Variants in PCDHGA5 observed in about 807,000 individuals in gnomAD.
PCDHGA5 encodes protocadherin gamma subfamily A, 5.
In PCDHGA5, 36 loss-of-function variants were observed where a neutral mutation model predicts 56.7. The observed-to-expected ratio is 0.64, with a 90% CI of 0.49 to 0.84. PCDHGA5 has a LOEUF of 0.84. Among genes scored for constraint, PCDHGA5 ranks in the 40% least tolerant of loss-of-function variants. PCDHGA5 has a pLI of 0.00. For synonymous variants in PCDHGA5, 563 were observed against 520.2 expected (o/e 1.08, Z -1.12); for missense variants, 1,305 against 1,201.5 (o/e 1.09, Z -1.27).
At chr5:141,399,806 A>G in intron 1 of PCDHGA5, 1 of 1,613,106 alleles carries the variant, frequency 6.2e-7, no homozygotes, top group Non-Finnish European at 8.5e-7. Context: ...CGGGTGCTGT[A>G]CCCCGCGCTG....
intron 1 of PCDHGA5, chr5:141,389,929 T>A: frequency 6.2e-7 from 1 of 1,614,012 alleles, no homozygotes; most frequent in Non-Finnish European, 8.5e-7. Context: ...CCCTCTGACC[T>A]CCAGGCTGAG....
rs191844335 is a variant in PCDHGA5 at position 141,394,289 on chromosome 5, C to A, written c.2421+27538C>A. ...ATGCCCAGGTCACTTACTCTGTGAC[C>A]GAGGACACGCTGCAGGGGGCGCCCC... On this transcript the variant is annotated intron_variant, in intron 1 of 3. Coordinates refer to ENST00000518069, the MANE Select transcript of PCDHGA5 (RefSeq NM_018918.3). The A allele has an allele frequency of 3.8e-5, 61 of 1,613,954 alleles. 1 individual carries two copies. In the African/African-American group the frequency reaches 6.0e-4, roughly 16 times the overall value.
rs1375291090 is a variant in PCDHGA5, at chr5:141,392,672, T to A, written c.2421+25921T>A. 5.7e-6 allele frequency: 5 copies of A among 880,364 alleles called. No homozygotes were observed. In the Admixed American group the frequency reaches 1.3e-4, roughly 22 times the overall value. 54.5% of individuals were successfully genotyped at this position (880,364 alleles called of 1,614,324 possible). A position where few individuals can be genotyped will look rare whatever the true frequency, so the allele number is the denominator to read the frequency against. Reference sequence around the variant, plus strand: ...CCCGCAGATGCCACAAACTAACTGCTGGACTGCAGCGAAACCCGACCCCTG... The same window carrying A: ...CCCGCAGATGCCACAAACTAACTGCAGGACTGCAGCGAAACCCGACCCCTG... On this transcript the variant is annotated intron_variant, in intron 1 of 3. Transcript: ENST00000518069.
rs777111805 is a variant in PCDHGA5, at chr5:141,395,298, GT to G, written c.2421+28551del. On this transcript the variant is annotated intron_variant, in intron 1 of 3. Coordinates refer to ENST00000518069, the MANE Select transcript of PCDHGA5 (RefSeq NM_018918.3). ...ATGAATTTTATTTGGCATAAATTAT[GT>G]TTTGAAAAACATTGTGAAGATAGTT... 6 of 1,522,174 alleles carry G rather than the reference GT, an allele frequency of 3.9e-6. No homozygotes were observed. The East Asian group carries it at 9.1e-5, about 23-fold the overall frequency. The allele number at this position is 1,522,174 out of a possible 1,614,324, so 94.3% of individuals were successfully genotyped here.
At chr5:141,504,288 GT>G (rs1175142876) in intron 2 of PCDHGA5, among the ~76,000 whole-genome samples, 1 of 152,124 alleles carries the variant, frequency 6.6e-6, no homozygotes, top group Non-Finnish European at 1.5e-5. Flanking sequence ...ATCATTTCAT[GT>G]TTTTTCAACA....
At chr5:141,420,733 A>T (rs989644819) in intron 1 of PCDHGA5, among the ~76,000 whole-genome samples, 1 of 152,250 alleles carries the variant, frequency 6.6e-6, no homozygotes, top group African/African-American at 2.4e-5. Flanking sequence ...GTCGGTTAAA[A>T]TCAATTGGAA....
In PCDHGA5 at chr5:141,415,239, T is replaced by G. The variant is rs781763142; in HGVS notation, c.2421+48488T>G. The G allele has an allele frequency of 8.1e-6, 13 of 1,614,068 alleles. No individual in the cohort carries two copies. The South Asian group carries it at 1.3e-4, about 16-fold the overall frequency. The stretch of plus-strand genomic sequence containing the variant: ...GCAGCTTCGAGTCTCCAGCTAACTC[T>G]GAAACCTCAGACCTCACTCTGTACC... On this transcript the variant is annotated intron_variant, in intron 1 of 3. Coordinates refer to ENST00000518069, the MANE Select transcript of PCDHGA5 (RefSeq NM_018918.3).
In PCDHGA5 at chr5:141,491,928, G is replaced by T; in HGVS notation, c.2422-2879G>T. 1 of 1,301,482 alleles carries T rather than the reference G, an allele frequency of 7.7e-7. No homozygotes were observed. Among genetic ancestry groups the T allele is most frequent in the South Asian group, 1.6e-5 (1 of 63,466 alleles). 80.6% of individuals were successfully genotyped at this position (1,301,482 alleles called of 1,614,324 possible). A position where few individuals can be genotyped will look rare whatever the true frequency, so the allele number is the denominator to read the frequency against. On this transcript the variant is annotated intron_variant, in intron 1 of 3. Coordinates refer to ENST00000518069, the MANE Select transcript of PCDHGA5 (RefSeq NM_018918.3). The surrounding 1 kb of genome is among the most constrained non-coding windows in gnomAD (Gnocchi z 6.9). ...TGGTGGCGACTGTGGGCGAGGGGAG[G>T]TGGGACCGACCCCCACCCCTACACT... is the stretch of plus-strand genomic sequence containing the variant.
chr5:141,463,266 T>G (rs933899476), intron 1 of PCDHGA5, among the ~76,000 whole-genome samples: 16 of 151,982 alleles, frequency 1.1e-4, no homozygotes, highest in African/African-American at 3.6e-4. Context: ...CTCTATCCCA[T>G]AAATTCTGGC....
At chr5:141,436,105 A>G (rs2097796181) in intron 1 of PCDHGA5, among the ~76,000 whole-genome samples, 2 of 152,198 alleles carry the variant, frequency 1.3e-5, no homozygotes, top group African/African-American at 4.8e-5. Context: ...GAAATAGAGG[A>G]CAATGAAACC....
chr5:141,397,965 C>G (rs2093591451), intron 1 of PCDHGA5: 3 of 1,077,486 alleles, frequency 2.8e-6, no homozygotes, highest in South Asian at 1.7e-5. Context: ...AGCTCAGACT[C>G]CCCAGCGCCG....
At chr5:141,422,459 T>C (rs1368153179) in intron 1 of PCDHGA5, 1 of 1,613,448 alleles carries the variant, frequency 6.2e-7, no homozygotes, top group South Asian at 1.1e-5. Context: ...AGCAGAGTGC[T>C]GGACAGGGAG....
At chr5:141,480,695 C>T (rs2099523656) in intron 1 of PCDHGA5, among the ~76,000 whole-genome samples, 2 of 152,146 alleles carry the variant, frequency 1.3e-5, no homozygotes, top group African/African-American at 4.8e-5. Context: ...GAAACCCAGG[C>T]CACACCCCGA....
intron 1 of PCDHGA5, among the ~76,000 whole-genome samples, chr5:141,488,510 G>A (rs910546464): frequency 1.3e-5 from 2 of 152,152 alleles, no homozygotes; most frequent in Non-Finnish European, 2.9e-5. Context: ...TCCACATTTG[G>A]GGTCTGGGGT....
chr5:141,456,026 T>A (rs2098840894), intron 1 of PCDHGA5, among the ~76,000 whole-genome samples: 1 of 151,690 alleles, frequency 6.6e-6, no homozygotes, highest in African/African-American at 2.4e-5. Context: ...GCCTCCCGAG[T>A]AGCTGGGACT....
chr5:141,486,138 C>T lies in PCDHGA5; in HGVS notation c.2422-8669C>T. On this transcript the variant is annotated intron_variant, in intron 1 of 3. Transcript: ENST00000518069. This position sits in a 1 kb window ranked among gnomAD's most constrained non-coding sequence, Gnocchi z 5.0. ...AATTACTATGAATTTGATGTGCGGG[C>T]TCGCGATGGGGGTTCTCCAGCCATG... The T allele has an allele frequency of 6.2e-7, 1 of 1,614,212 alleles. No individual in the cohort carries two copies. The highest frequency in any genetic ancestry group is 1.3e-5 in the African/African-American group (1 of 75,052).
Position 141,498,864 on chromosome 5 carries a change from C to T in PCDHGA5, c.2480+3999C>T, listed in dbSNP as rs1370263013. Among the ~76,000 whole-genome samples the T allele has an allele frequency of 2.7e-5, 4 of 149,532 alleles. No homozygotes were observed. The East Asian group carries it at 5.9e-4, about 22-fold the overall frequency. ...AGGGGAATCGCTTGAACCCAGGAGG[C>T]GGAGGTTGCAGTGAGCTGAGATCAC... On this transcript the variant is annotated intron_variant, in intron 2 of 3. Coordinates refer to ENST00000518069, the MANE Select transcript of PCDHGA5 (RefSeq NM_018918.3).
intron 1 of PCDHGA5, among the ~76,000 whole-genome samples, chr5:141,401,330 A>G (rs1377404173): frequency 6.6e-6 from 1 of 152,218 alleles, no homozygotes. Context: ...CAACAAGAGC[A>G]AAACTCCATC....
chr5:141,369,478 G>A lies in PCDHGA5; in HGVS notation c.2421+2727G>A, dbSNP rs139702118. 6.3e-3 allele frequency among the ~76,000 whole-genome samples: 955 copies of A among 152,098 alleles called. 15 individuals carry two copies. The highest frequency in any genetic ancestry group is 0.022 in the African/African-American group (913 of 41,484). ...AGCCAGGTGTTCTAGCCCAGCCTGG[G>A]CAACATAGTGAAACCCCACCTCTAT... is the stretch of plus-strand genomic sequence containing the variant. On this transcript the variant is annotated intron_variant, in intron 1 of 3. Coordinates refer to ENST00000518069, the MANE Select transcript of PCDHGA5 (RefSeq NM_018918.3).
Sources: allele counts gnomAD v4.1 joint callset (sites outside exome capture counted in the v4.1 genomes callset), GRCh38; gene constraint gnomAD v4.1.1; non-coding constraint Gnocchi (gnomAD v3.1); transcripts MANE v1.5; gene names NCBI Gene and HGNC (gene_info 2026-07-23, HGNC 2026-07-21).